CTNNA2: variants seen among roughly 807,000 people sequenced by gnomAD.
CTNNA2 encodes catenin alpha-2.
In CTNNA2, 42 loss-of-function variants were observed where a neutral mutation model predicts 101.0. That is an observed-to-expected ratio of 0.42 (90% confidence interval 0.32 to 0.54). The LOEUF (loss-of-function observed/expected upper bound fraction) is 0.54. CTNNA2 is among the 20% of genes least tolerant of loss of function. The pLI is 0.14. For missense variants in CTNNA2, 871 were observed against 1,223.1 expected, an observed-to-expected ratio of 0.71 and a Z score of 4.29; for synonymous variants, 450 against 456.4, an observed-to-expected ratio of 0.99 and a Z score of 0.18.
intron 7 of CTNNA2, among the ~76,000 whole-genome samples, chr2:79,986,186 G>T (rs575962476): frequency 2.0e-5 from 3 of 152,314 alleles, no homozygotes; most frequent in Admixed American, 2.0e-4. Flanking sequence ...AATGCCAATA[G>T]CAGCTTGGAC....
chr2:80,599,299 T>TC (rs1491295825), intron 15 of CTNNA2, among the ~76,000 whole-genome samples: 1 of 152,158 alleles, frequency 6.6e-6, no homozygotes, highest in African/African-American at 2.4e-5. Context: ...TTACAGAAAT[T>TC]CTGTTAAAAT....
chr2:80,531,106 G>T (rs925139763), intron 9 of CTNNA2, among the ~76,000 whole-genome samples: 1 of 152,108 alleles, frequency 6.6e-6, no homozygotes, highest in Non-Finnish European at 1.5e-5. Context: ...GGAATGAGTT[G>T]GTTCAAAGGT....
chr2:80,303,670 C>T lies in CTNNA2; in HGVS notation c.1057-89541C>T, dbSNP rs753453282. The T allele has an allele frequency of 6.2e-7, 1 of 1,611,580 alleles. No homozygotes were observed. ...CGGTGAGGTTGAGCGCCTCGCAGTA[C>T]AGCAGCCGCCCCTCGCACCGGCACA... On this transcript the variant is annotated intron_variant, in intron 7 of 18. Transcript: ENST00000402739. This position sits in a 1 kb window ranked among gnomAD's most constrained non-coding sequence, Gnocchi z 7.7.
chr2:79,865,933 A>G (rs575294824), intron 4 of CTNNA2, among the ~76,000 whole-genome samples: 1 of 152,244 alleles, frequency 6.6e-6, no homozygotes, highest in South Asian at 2.1e-4. Flanking sequence ...GTTAGCCAGG[A>G]TGGTCTCGAA....
intron 7 of CTNNA2, among the ~76,000 whole-genome samples, chr2:80,348,835 TGC>T (rs932648758): frequency 2.6e-5 from 4 of 151,978 alleles, no homozygotes; most frequent in Non-Finnish European, 5.9e-5. Flanking sequence ...GTTTGTTAGG[TGC>T]GCTGGGTAGG....
chr2:80,348,702 A>C (rs6711603), intron 7 of CTNNA2, among the ~76,000 whole-genome samples: 60,337 of 151,738 alleles, frequency 0.4, 14,659 homozygotes, highest in African/African-American at 0.69. Context: ...TTTGTGTAAG[A>C]CATTCCACCA....
At chr2:80,010,773 C>A (rs775794917) in intron 7 of CTNNA2, among the ~76,000 whole-genome samples, 35 of 151,950 alleles carry the variant, frequency 2.3e-4, no homozygotes, top group Non-Finnish European at 3.5e-4. Context: ...AATGAAAATT[C>A]TCCACATTTC....
chr2:79,589,396 G>A lies in CTNNA2; in HGVS notation c.-5-62156G>A, dbSNP rs532472035. Among the ~76,000 whole-genome samples, 16 of 151,980 alleles carry A rather than the reference G, an allele frequency of 1.1e-4. No homozygotes were observed. In the Middle Eastern group the frequency reaches 0.014, roughly 129 times the overall value. ...GTTTTCTTCATTACAATACCCACTG[G>A]CTTATAAATTTTCTAAATCTTACCT... is the stretch of plus-strand genomic sequence containing the variant. On this transcript the variant is annotated intron_variant, in intron 1 of 18. Coordinates refer to ENST00000402739, the MANE Select transcript of CTNNA2 (RefSeq NM_001282597.3).
At chr2:80,554,387 A>G (rs1692842672) in intron 11 of CTNNA2, among the ~76,000 whole-genome samples, 1 of 152,194 alleles carries the variant, frequency 6.6e-6, no homozygotes, top group Non-Finnish European at 1.5e-5. Flanking sequence ...TTAAAAATAT[A>G]TTTATCAAAA....
At chr2:79,627,845 T>C (rs1162592872) in intron 1 of CTNNA2, among the ~76,000 whole-genome samples, 2 of 152,200 alleles carry the variant, frequency 1.3e-5, no homozygotes, top group African/African-American at 4.8e-5. Flanking sequence ...AGGTTTTTGA[T>C]ATTTGATGCC....
intron 7 of CTNNA2, among the ~76,000 whole-genome samples, chr2:80,094,828 A>G (rs1381416428): frequency 6.6e-6 from 1 of 152,110 alleles, no homozygotes; most frequent in Non-Finnish European, 1.5e-5. Context: ...GGTGTATAAG[A>G]ATGCTTGTGA....
intron 8 of CTNNA2, among the ~76,000 whole-genome samples, chr2:80,410,498 G>A (rs753006538): frequency 3.9e-5 from 6 of 152,152 alleles, no homozygotes; most frequent in Admixed American, 3.3e-4. Context: ...TTGGAAAAAC[G>A]TCTTGTGTTC....
intron 7 of CTNNA2, among the ~76,000 whole-genome samples, chr2:80,354,013 G>A (rs1673550465): frequency 6.6e-6 from 1 of 152,116 alleles, no homozygotes; most frequent in African/African-American, 2.4e-5. Context: ...GGAGGTGGTT[G>A]CCAGGGTAAA....
intron 3 of CTNNA2, among the ~76,000 whole-genome samples, chr2:79,777,327 ATGTGTGTGTGTGTGTGTG>A (rs67347678): frequency 0.048 from 6,733 of 139,664 alleles, 428 homozygotes; most frequent in African/African-American, 0.15. Context: ...AACACTTGTT[ATGTGTGTGTGTGTGTGTG>A]TGTGTGTGTG....
At chr2:79,813,255 T>A (rs1677192734) in intron 3 of CTNNA2, among the ~76,000 whole-genome samples, 1 of 152,102 alleles carries the variant, frequency 6.6e-6, no homozygotes, top group Admixed American at 6.6e-5. Context: ...TTCTAATCTC[T>A]GCCCTGGCAC....
chr2:79,266,644 G>A (rs533931725), intron 2 of CTNNA2, among the ~76,000 whole-genome samples: 59 of 150,054 alleles, frequency 3.9e-4, no homozygotes, highest in African/African-American at 1.3e-3. Context: ...CGGTGGTGGT[G>A]GTAAGTGAAG....
intron 7 of CTNNA2, among the ~76,000 whole-genome samples, chr2:80,214,035 A>T (rs1708087487): frequency 6.6e-6 from 1 of 151,792 alleles, no homozygotes; most frequent in Non-Finnish European, 1.5e-5. Flanking sequence ...TAGGATTGCA[A>T]CCCCTGCTTG....
At chr2:80,244,921 G>A (rs73938253) in intron 7 of CTNNA2, among the ~76,000 whole-genome samples, 2,988 of 152,174 alleles carry the variant, frequency 0.02, 101 homozygotes, top group African/African-American at 0.067. Context: ...ACCTACAAGC[G>A]AGAGCCAGGT....
At chr2:79,978,923 GA>G (rs1691060327) in intron 7 of CTNNA2, among the ~76,000 whole-genome samples, 1 of 152,130 alleles carries the variant, frequency 6.6e-6, no homozygotes, top group South Asian at 2.1e-4. Flanking sequence ...TTGACATAAA[GA>G]AAACTGAGTC....
Sources: allele counts gnomAD v4.1 joint callset (sites outside exome capture counted in the v4.1 genomes callset), GRCh38; gene constraint gnomAD v4.1.1; non-coding constraint Gnocchi (gnomAD v3.1); transcripts MANE v1.5; gene names NCBI Gene and HGNC (gene_info 2026-07-23, HGNC 2026-07-21).